The following RIMKLA variants were observed in gnomAD, a reference collection of about 807,000 sequenced individuals.
The protein encoded by RIMKLA is N-acetylaspartylglutamate synthase A.
RIMKLA carries 14 observed loss-of-function variants against 32.7 expected under a neutral mutation model. The observed-to-expected ratio is 0.43, with a 90% CI of 0.28 to 0.67. The LOEUF (loss-of-function observed/expected upper bound fraction) is 0.67. Among genes scored for constraint, RIMKLA ranks in the 30% least tolerant of loss-of-function variants. The pLI, the probability that RIMKLA is intolerant of heterozygous loss-of-function variation, is 0.18. For synonymous variants in RIMKLA, 176 were observed against 204.1 expected, an observed-to-expected ratio of 0.86 and a Z score of 1.18; for missense variants, 410 against 519.0, an observed-to-expected ratio of 0.79 and a Z score of 2.04.
In RIMKLA at chr1:42,385,824, C is replaced by CT. The variant is rs1357722571; in HGVS notation, c.163+4729dup. Among the ~76,000 whole-genome samples the CT allele has an allele frequency of 2.4e-4, 20 of 82,084 alleles. 1 individual carries two copies. Among genetic ancestry groups the CT allele is most frequent in the Admixed American group, 1.0e-3 (8 of 7,660 alleles). The allele number at this position is 82,084 out of a possible 152,430, so 53.9% of individuals were successfully genotyped here. A position where few individuals can be genotyped will look rare whatever the true frequency, so the allele number is the denominator to read the frequency against. On this transcript the variant is annotated intron_variant, in intron 1 of 4. Transcript: ENST00000431473. ...CTCTCTCTCTTTCCTTCCTTCCTTCCTTCCTTTCTTTCTTTCTTTCTCTTT... is the reference window on the plus strand; with the variant it reads ...CTCTCTCTCTTTCCTTCCTTCCTTCCTTTCCTTTCTTTCTTTCTTTCTCTTT...
intron 1 of RIMKLA, among the ~76,000 whole-genome samples, chr1:42,391,536 C>A (rs1459681036): frequency 6.6e-6 from 1 of 152,030 alleles, no homozygotes; most frequent in African/African-American, 2.4e-5. Context: ...AGACAGGATG[C>A]AGCTTGACTC....
chr1:42,415,986 C>G lies in RIMKLA; in HGVS notation c.*1012C>G, dbSNP rs1643243004. ...GGAGCCATTGGAAACACTCCAATCC[C>G]CTTGAAACTCTACTTTTATCTAAGA... On this transcript the variant is annotated 3_prime_UTR_variant, in exon 5 of 5. Coordinates refer to ENST00000431473, the MANE Select transcript of RIMKLA (RefSeq NM_173642.4). The G allele has an allele frequency of 6.6e-6, 1 of 151,338 alleles. No individual in the cohort carries two copies. The highest frequency in any genetic ancestry group is 1.5e-5 in the Non-Finnish European group (1 of 67,926). The allele number at this position is 151,338 out of a possible 1,614,324, so 9.4% of individuals were successfully genotyped here.
chr1:42,422,573 A>G lies in RIMKLA; in HGVS notation c.*7599A>G, dbSNP rs1000963044. 6.6e-6 allele frequency: 1 copy of G among 152,208 alleles called. No individual in the cohort carries two copies. The highest frequency in any genetic ancestry group is 2.4e-5 in the African/African-American group (1 of 41,448). 9.4% of individuals were successfully genotyped at this position (152,208 alleles called of 1,614,324 possible). A position where few individuals can be genotyped will look rare whatever the true frequency, so the allele number is the denominator to read the frequency against. The stretch of plus-strand genomic sequence containing the variant: ...TTTGCTTTTTATTAAAATTATTACT[A>G]TGGAACAGAATGCTTTGTTTGCCTT... On this transcript the variant is annotated 3_prime_UTR_variant, in exon 5 of 5. Coordinates refer to ENST00000431473, the MANE Select transcript of RIMKLA (RefSeq NM_173642.4).
At chr1:42,384,921 T>G (rs1642923957) in intron 1 of RIMKLA, among the ~76,000 whole-genome samples, 1 of 152,168 alleles carries the variant, frequency 6.6e-6, no homozygotes, top group Non-Finnish European at 1.5e-5. Context: ...TTCACCTTTT[T>G]TCATCCTTCA....
Position 42,399,653 on chromosome 1 carries a change from G to T in RIMKLA, c.394+19G>T. On this transcript the variant is annotated intron_variant, in intron 2 of 4. Coordinates refer to ENST00000431473, the MANE Select transcript of RIMKLA (RefSeq NM_173642.4). The stretch of plus-strand genomic sequence containing the variant: ...TCCTATGGTGAGTCAGCTTGAAATA[G>T]CTTCCCAAATCATGTGCATCTCTGT... 1 of 1,464,490 alleles carries T rather than the reference G, an allele frequency of 6.8e-7. No individual in the cohort carries two copies. Among genetic ancestry groups the T allele is most frequent in the Non-Finnish European group, 9.5e-7 (1 of 1,056,162 alleles). The allele number at this position is 1,464,490 out of a possible 1,614,324, so 90.7% of individuals were successfully genotyped here. A position where few individuals can be genotyped will look rare whatever the true frequency, so the allele number is the denominator to read the frequency against.
At chr1:42,403,375 C>G (rs1474637638) in intron 2 of RIMKLA, among the ~76,000 whole-genome samples, 1 of 152,150 alleles carries the variant, frequency 6.6e-6, no homozygotes, top group Non-Finnish European at 1.5e-5. Context: ...AGAAAGTACA[C>G]TAGTTTGGTG....
chr1:42,399,393 T>C lies in RIMKLA; in HGVS notation c.164-11T>C. On this transcript the variant is annotated splice_polypyrimidine_tract_variant and intron_variant, in intron 1 of 4. Coordinates refer to ENST00000431473, the MANE Select transcript of RIMKLA (RefSeq NM_173642.4). Reference sequence around the variant, plus strand: ...GCAGGCACAGCACTCACTGTTGTCCTTGAATTGCAGGCCTCCAGCTAAACC... The same window carrying C: ...GCAGGCACAGCACTCACTGTTGTCCCTGAATTGCAGGCCTCCAGCTAAACC... 6.9e-6 allele frequency: 11 copies of C among 1,590,640 alleles called. No individual in the cohort carries two copies. The highest frequency in any genetic ancestry group is 9.4e-6 in the Non-Finnish European group (11 of 1,165,246).
chr1:42,390,470 G>A (rs1202533273), intron 1 of RIMKLA, among the ~76,000 whole-genome samples: 7 of 152,212 alleles, frequency 4.6e-5, no homozygotes, highest in Admixed American at 4.6e-4. Context: ...AAGTGGCTGA[G>A]AAGGGCTGGG....
chr1:42,405,629 G>A (rs566943636), intron 3 of RIMKLA, among the ~76,000 whole-genome samples: 21 of 152,222 alleles, frequency 1.4e-4, no homozygotes, highest in African/African-American at 5.1e-4. Flanking sequence ...TATCCTGGGC[G>A]ACAGAGTGAG....
Position 42,399,549 on chromosome 1 carries a change from G to C in RIMKLA, c.309G>C (p.Gln103His), listed in dbSNP as rs776978361. ...GCTGCCGGTTGGTCAATCGCCCACAGAGCATCTTAAATTGCATCAACAAAT... is the reference window on the plus strand; with the variant it reads ...GCTGCCGGTTGGTCAATCGCCCACACAGCATCTTAAATTGCATCAACAAAT... The part of the protein sequence containing the change: ...KLGCRLVNRP[Q>H]SILNCINKFW... Residue 103 changes from glutamine (Q) to histidine (H), a missense_variant, in exon 2 of 5, where the codon CAG becomes CAC. Physicochemically the swap from Gln to His is conservative, Grantham distance 24 (BLOSUM62 0). Transcript: ENST00000431473. 2 of 1,613,432 alleles carry C rather than the reference G, an allele frequency of 1.2e-6. No individual in the cohort carries two copies. Among genetic ancestry groups the C allele is most frequent in the Non-Finnish European group, 1.7e-6 (2 of 1,179,824 alleles).
rs1406033905 is a variant in RIMKLA at position 42,422,046 on chromosome 1, A to G, written c.*7072A>G. 6.6e-6 allele frequency: 1 copy of G among 151,582 alleles called. No homozygotes were observed. Among genetic ancestry groups the G allele is most frequent in the Non-Finnish European group, 1.5e-5 (1 of 67,960 alleles). 9.4% of individuals were successfully genotyped at this position (151,582 alleles called of 1,614,324 possible). On this transcript the variant is annotated 3_prime_UTR_variant, in exon 5 of 5. Transcript: ENST00000431473. ...AGATTGGCAAACACTCTATATCAAG[A>G]CCCCCCTCCCCGAGAGCTGGTTGTT...
chr1:42,385,894 CT>C (rs1272618966), intron 1 of RIMKLA, among the ~76,000 whole-genome samples: 1 of 97,524 alleles, frequency 1.0e-5, no homozygotes, highest in Non-Finnish European at 2.2e-5. Flanking sequence ...TTCTTTCTTT[CT>C]TTCCTTCTTT....
chr1:42,421,671 G>A lies in RIMKLA; in HGVS notation c.*6697G>A, dbSNP rs896137130. ...TTGCTTAGTCCCACCTTGAGGTCCCGAGTTCCAGTGGTGTGCCGAAGTGGT... is the reference window on the plus strand; with the variant it reads ...TTGCTTAGTCCCACCTTGAGGTCCCAAGTTCCAGTGGTGTGCCGAAGTGGT... On this transcript the variant is annotated 3_prime_UTR_variant, in exon 5 of 5. Coordinates refer to ENST00000431473, the MANE Select transcript of RIMKLA (RefSeq NM_173642.4). This position sits in a 1 kb window ranked among gnomAD's most constrained non-coding sequence, Gnocchi z 4.6. 1.3e-5 allele frequency: 2 copies of A among 152,250 alleles called. No individual in the cohort carries two copies. Among genetic ancestry groups the A allele is most frequent in the Admixed American group, 6.5e-5 (1 of 15,284 alleles). The allele number at this position is 152,250 out of a possible 1,614,324, so 9.4% of individuals were successfully genotyped here.
intron 4 of RIMKLA, among the ~76,000 whole-genome samples, chr1:42,411,604 G>T (rs1643197980): frequency 6.6e-6 from 1 of 151,586 alleles, no homozygotes. Context: ...GGGATTATAG[G>T]TGTGTACCAC....
chr1:42,397,011 G>C (rs1452966546), intron 1 of RIMKLA, among the ~76,000 whole-genome samples: 1 of 146,172 alleles, frequency 6.8e-6, no homozygotes, highest in Non-Finnish European at 1.5e-5. Flanking sequence ...TCAAAGAACA[G>C]TAAAAGCATC....
intron 1 of RIMKLA, 128 bp downstream of exon 1, chr1:42,381,225 G>C (rs1642885902): frequency 1.6e-6 from 1 of 625,994 alleles, no homozygotes. Context: ...CCGCACTCTA[G>C]CTGCGAGACT....
chr1:42,407,238 T>C (rs76854565), intron 3 of RIMKLA, among the ~76,000 whole-genome samples: 208 of 152,366 alleles, frequency 1.4e-3, no homozygotes, highest in Non-Finnish European at 2.5e-3. Context: ...TTATTAGATA[T>C]ATAACAACAT....
At chr1:42,388,456 C>G (rs1461040489) in intron 1 of RIMKLA, among the ~76,000 whole-genome samples, 1 of 151,578 alleles carries the variant, frequency 6.6e-6, no homozygotes, top group East Asian at 1.9e-4. Context: ...TCACCTATCT[C>G]GGCCTCCCAA....
Position 42,380,799 on chromosome 1 carries a change from C to A in RIMKLA, c.-136C>A, listed in dbSNP as rs1383310501. 1.8e-4 allele frequency: 60 copies of A among 324,928 alleles called. No homozygotes were observed. The highest frequency in any genetic ancestry group is 2.6e-4 in the Non-Finnish European group (57 of 216,596). 20.1% of individuals were successfully genotyped at this position (324,928 alleles called of 1,614,324 possible). On this transcript the variant is annotated 5_prime_UTR_variant, in exon 1 of 5. Transcript: ENST00000431473. ...ATTCGCTGGGTCAGGGCTGCAGAGACGCCTGGCGCACCCGCGGGAGCGGAG... is the reference window on the plus strand; with the variant it reads ...ATTCGCTGGGTCAGGGCTGCAGAGAAGCCTGGCGCACCCGCGGGAGCGGAG...
Sources: gnomAD v4.1 joint callset for allele counts (sites outside exome capture counted in the v4.1 genomes callset) on GRCh38, gnomAD v4.1.1 for gene constraint, Gnocchi (gnomAD v3.1) non-coding constraint, MANE v1.5 for transcripts, NCBI Gene and HGNC (gene_info 2026-07-23, HGNC 2026-07-21) for gene names.